PI4K2A: variants seen among roughly 807,000 people sequenced by gnomAD.
PI4K2A encodes the protein phosphatidylinositol 4-kinase type 2-alpha.
PI4K2A carries 20 observed loss-of-function variants against 55.0 expected under a neutral mutation model. The observed-to-expected ratio is 0.36, with a 90% CI of 0.26 to 0.53. The LOEUF is 0.53. Among genes scored for constraint, PI4K2A ranks in the 20% least tolerant of loss-of-function variants. The probability of loss-of-function intolerance (pLI) is 0.91; values close to 1 mark genes in which losing one functional copy is unlikely to be tolerated. For synonymous variants in PI4K2A, 235 were observed against 258.5 expected (o/e 0.91, Z 0.87); for missense variants, 463 against 637.1 (o/e 0.73, Z 2.94).
intron 5 of PI4K2A, among the ~76,000 whole-genome samples, chr10:97,663,986 T>G (rs1203127130): frequency 6.6e-6 from 1 of 152,118 alleles, no homozygotes; most frequent in East Asian, 1.9e-4. Flanking sequence ...CAAAAGTTGT[T>G]TAATGTTTTG....
intron 1 of PI4K2A, among the ~76,000 whole-genome samples, chr10:97,643,656 G>T (rs565045626): frequency 2.6e-5 from 4 of 152,090 alleles, no homozygotes; most frequent in Admixed American, 2.6e-4. Context: ...ACTTTTTGAC[G>T]TACTCATACT....
chr10:97,641,199 G>A, intron 1 of PI4K2A, 22 bp downstream of exon 1: 1 of 1,566,596 alleles, frequency 6.4e-7, no homozygotes, highest in Non-Finnish European at 8.6e-7. Context: ...GGTGGGGACC[G>A]CCGCCGCGGG....
At chr10:97,667,872 T>C (rs2041617072) in intron 8 of PI4K2A, among the ~76,000 whole-genome samples, 1 of 152,220 alleles carries the variant, frequency 6.6e-6, no homozygotes, top group Admixed American at 6.5e-5. Context: ...GAGAATTTCA[T>C]GAGATAATGC....
chr10:97,668,896 C>T (rs182513002), intron 8 of PI4K2A, among the ~76,000 whole-genome samples: 54 of 151,854 alleles, frequency 3.6e-4, no homozygotes, highest in African/African-American at 1.2e-3. Flanking sequence ...GACAGAGTCT[C>T]ACTCTGTCAC....
chr10:97,641,174 G>A (rs886709504), exon 1 of PI4K2A: 1 of 1,601,936 alleles, frequency 6.2e-7, no homozygotes, highest in South Asian at 1.1e-5. Context: ...AGGACCCTCA[G>A]GGGGTGAGTG....
chr10:97,655,878 A>G (rs1191914253), intron 2 of PI4K2A, among the ~76,000 whole-genome samples: 1 of 151,962 alleles, frequency 6.6e-6, no homozygotes, highest in Non-Finnish European at 1.5e-5. Flanking sequence ...CCTGGCCAGG[A>G]GTGTATTTCT....
intron 1 of PI4K2A, among the ~76,000 whole-genome samples, chr10:97,649,069 T>A (rs946515543): frequency 2.6e-5 from 4 of 152,192 alleles, no homozygotes; most frequent in African/African-American, 9.7e-5. Flanking sequence ...TAGTTCCTAA[T>A]ATGAGTACTG....
intron 5 of PI4K2A, among the ~76,000 whole-genome samples, chr10:97,663,973 G>T (rs2041598540): frequency 6.6e-6 from 1 of 152,164 alleles, no homozygotes; most frequent in African/African-American, 2.4e-5. Flanking sequence ...GGGACTACAG[G>T]CGCAAAAGTT....
At chr10:97,640,810 G>T in exon 1 of PI4K2A, 1 of 1,470,486 alleles carries the variant, frequency 6.8e-7, no homozygotes, top group Non-Finnish European at 9.0e-7. Flanking sequence ...TTCCCGTCGG[G>T]CTCGGGCGCT....
chr10:97,673,274 A>C (rs2065671), intron 8 of PI4K2A, among the ~76,000 whole-genome samples: 28,557 of 152,206 alleles, frequency 0.19, 3,061 homozygotes, highest in East Asian at 0.39. Flanking sequence ...TACAGGCGTG[A>C]GCCAGCGTGC....
intron 1 of PI4K2A, among the ~76,000 whole-genome samples, chr10:97,642,883 T>TTCTTTCTC (rs2041483712): frequency 7.8e-6 from 1 of 128,420 alleles, no homozygotes; most frequent in African/African-American, 3.3e-5. Flanking sequence ...CTTTCTTTCT[T>TTCTTTCTC]TCTTCCTTCC....
chr10:97,652,033 C>G (rs562989516), intron 2 of PI4K2A, among the ~76,000 whole-genome samples: 20 of 152,052 alleles, frequency 1.3e-4, no homozygotes, highest in Non-Finnish European at 2.5e-4. Flanking sequence ...ACAATCCTGG[C>G]TCCGTGCTTA....
intron 1 of PI4K2A, among the ~76,000 whole-genome samples, chr10:97,644,217 G>T (rs1437019231): frequency 1.3e-5 from 2 of 152,192 alleles, no homozygotes; most frequent in East Asian, 3.8e-4. Context: ...CGAGCACTGT[G>T]GCAGGCACTT....
chr10:97,675,376 C>A (rs2041658361), exon 9 of PI4K2A: 1 of 152,404 alleles, frequency 6.6e-6, no homozygotes, highest in African/African-American at 2.4e-5. Flanking sequence ...GGAAGAATTT[C>A]TGAGAGCTGG....
chr10:97,663,146 T>G (rs2041594247), intron 5 of PI4K2A, among the ~76,000 whole-genome samples, 178 bp downstream of exon 5: 1 of 152,222 alleles, frequency 6.6e-6, no homozygotes, highest in South Asian at 2.1e-4. Flanking sequence ...AAGGACATCC[T>G]ACTGACACAT....
At chr10:97,650,645 G>T (rs940674013) in intron 1 of PI4K2A, among the ~76,000 whole-genome samples, 15 of 152,164 alleles carry the variant, frequency 9.9e-5, no homozygotes, top group Non-Finnish European at 2.2e-4. Context: ...GAAGCACAAA[G>T]TTAGAGGTAG....
At chr10:97,641,424 G>C (rs1385732239) in intron 1 of PI4K2A, among the ~76,000 whole-genome samples, 1 of 152,130 alleles carries the variant, frequency 6.6e-6, no homozygotes, top group Non-Finnish European at 1.5e-5. Flanking sequence ...GATACGGGCC[G>C]GGGGCTCAGC....
chr10:97,655,468 C>T (rs539559765), intron 2 of PI4K2A, among the ~76,000 whole-genome samples: 21 of 151,882 alleles, frequency 1.4e-4, no homozygotes, highest in African/African-American at 4.8e-4. Context: ...GGGCATTTGG[C>T]CTAATCTAAC....
At chr10:97,664,521 G>A (rs1050817695) in intron 5 of PI4K2A, among the ~76,000 whole-genome samples, 2 of 152,164 alleles carry the variant, frequency 1.3e-5, no homozygotes, top group African/African-American at 4.8e-5. Context: ...TTGGCCAACT[G>A]ATATGGATTT....
Sources: gnomAD v4.1 joint callset for allele counts (sites outside exome capture counted in the v4.1 genomes callset) on GRCh38, gnomAD v4.1.1 for gene constraint, MANE v1.5 for transcripts, NCBI Gene and HGNC (gene_info 2026-07-23, HGNC 2026-07-21) for gene names.